Variants in SUCO observed in about 807,000 individuals in gnomAD.
The protein encoded by SUCO is SUN domain-containing ossification factor.
SUCO carries 57 observed loss-of-function variants against 148.1 expected under a neutral mutation model. The observed-to-expected ratio is 0.38, with a 90% CI of 0.31 to 0.48. The LOEUF (loss-of-function observed/expected upper bound fraction) is 0.48, where lower values mean the gene tolerates loss of function less well. Ranked by LOEUF, SUCO falls within the 20% of genes least tolerant of loss-of-function variation. The pLI, the probability that SUCO is intolerant of heterozygous loss-of-function variation, is 0.96. For synonymous variants in SUCO, 470 were observed against 502.7 expected (o/e 0.93, Z 0.87); for missense variants, 1,331 against 1,468.2 (o/e 0.91, Z 1.53).
At chr1:172,555,579 GAA>G (rs1418264923) in intron 3 of SUCO, among the ~76,000 whole-genome samples, 1 of 152,140 alleles carries the variant, frequency 6.6e-6, no homozygotes, top group African/African-American at 2.4e-5. Flanking sequence ...ATCAATTAGA[GAA>G]GAGGGAAATC....
intron 9 of SUCO, 164 bp downstream of exon 9, chr1:172,570,894 TGAG>T (rs1386516981): frequency 8.0e-5 from 41 of 509,414 alleles, no homozygotes; most frequent in Non-Finnish European, 8.7e-5. Flanking sequence ...CCTTTCCTTT[TGAG>T]GAGGTCACAA....
intron 15 of SUCO, among the ~76,000 whole-genome samples, chr1:172,582,662 A>G (rs910201125): frequency 6.6e-6 from 1 of 152,138 alleles, no homozygotes; most frequent in Non-Finnish European, 1.5e-5. Flanking sequence ...ACAAACTATC[A>G]TGTGTTTAGA....
intron 6 of SUCO, among the ~76,000 whole-genome samples, chr1:172,566,715 G>A (rs566716652): frequency 2.4e-4 from 37 of 152,314 alleles, no homozygotes; most frequent in African/African-American, 8.9e-4. Context: ...TAGGAAAATG[G>A]TGGTAACTTC....
chr1:172,534,933 G>A (rs1383429875), intron 1 of SUCO, among the ~76,000 whole-genome samples: 1 of 152,204 alleles, frequency 6.6e-6, no homozygotes, highest in African/African-American at 2.4e-5. Flanking sequence ...TTTCATTCAA[G>A]TTTAAAAACA....
Position 172,611,338 on chromosome 1 carries a change from A to T in SUCO, c.*1079A>T, listed in dbSNP as rs1658200498. 2 of 152,630 alleles carry T rather than the reference A, an allele frequency of 1.3e-5. No individual in the cohort carries two copies. The highest frequency in any genetic ancestry group is 1.3e-4 in the Admixed American group (2 of 15,276). The allele number at this position is 152,630 out of a possible 1,614,324, so 9.5% of individuals were successfully genotyped here. ...TCTCTGTCTTTTTTTTTGTCTTTAA[A>T]AAATAATTGGCAGCAACTGTATTTG... On this transcript the variant is annotated 3_prime_UTR_variant, in exon 24 of 24. Transcript: ENST00000263688.
chr1:172,609,486 C>T (rs1658071918), intron 23 of SUCO: 6 of 908,292 alleles, frequency 6.6e-6, no homozygotes, highest in Non-Finnish European at 7.9e-6. Flanking sequence ...ACCGACCTTT[C>T]AGGGTTAATA....
chr1:172,590,383 C>T, intron 18 of SUCO: 2 of 984,680 alleles, frequency 2.0e-6, no homozygotes, highest in Non-Finnish European at 2.4e-6. Flanking sequence ...AGTTTGCTCT[C>T]TTTTAAACAG....
chr1:172,567,374 A>C (rs543070058), intron 6 of SUCO, among the ~76,000 whole-genome samples: 4 of 152,350 alleles, frequency 2.6e-5, no homozygotes, highest in African/African-American at 7.2e-5. Context: ...AGAGGAAAAA[A>C]AGTCACAAGA....
At chr1:172,541,967 A>G (rs1652494903) in intron 1 of SUCO, 1 of 423,924 alleles carries the variant, frequency 2.4e-6, no homozygotes, top group Non-Finnish European at 3.2e-6. Flanking sequence ...GTCAAAAAGA[A>G]GTGGAAGAGT....
chr1:172,599,503 A>C (rs1251543634), intron 19 of SUCO: 1 of 553,990 alleles, frequency 1.8e-6, no homozygotes, highest in Non-Finnish European at 2.3e-6. Flanking sequence ...ATGGAAAGAT[A>C]GGCATTTTTG....
chr1:172,565,539 A>G (rs544293105), intron 6 of SUCO, among the ~76,000 whole-genome samples: 3 of 152,248 alleles, frequency 2.0e-5, no homozygotes, highest in East Asian at 3.9e-4. Flanking sequence ...GAGTGCCTGC[A>G]TTTCAGCCAA....
rs1390908971 is a variant in SUCO at position 172,602,618 on chromosome 1, CTG to C, written c.3174-74_3174-73del. The C allele has an allele frequency of 1.3e-5, 20 of 1,565,600 alleles. No individual in the cohort carries two copies. The Admixed American group carries it at 3.5e-4, about 28-fold the overall frequency. On this transcript the variant is annotated intron_variant, in intron 21 of 23. Coordinates refer to ENST00000263688, the MANE Select transcript of SUCO (RefSeq NM_014283.5). ...TGGTATGTACAGTTCTCAATAACCT[CTG>C]TGTAGCCTCAACAAAAGAGTAAATT...
Position 172,589,079 on chromosome 1 carries a change from G to T in SUCO, c.1978G>T (p.Val660Leu). ...TTTGAGTAAAGGAAAAGATTATCTT[G>T]TGTTAGCTCAACCACCCTTACTACT... ...TALSKGKDYL[V>L]LAQPPLLLPA... Residue 660 changes from valine to leucine, a missense_variant, in exon 18 of 24, where the codon GTG becomes TTG. Val to Leu is a conservative substitution (Grantham distance 32). This residue lies in a region of SUCO where 992 missense variants were observed against 1,093.5 expected (regional missense o/e 0.91). Transcript: ENST00000263688. 1 of 1,613,768 alleles carries T rather than the reference G, an allele frequency of 6.2e-7. No individual in the cohort carries two copies. The highest frequency in any genetic ancestry group is 8.5e-7 in the Non-Finnish European group (1 of 1,179,830).
intron 1 of SUCO, among the ~76,000 whole-genome samples, chr1:172,549,717 G>A (rs1653132235): frequency 6.6e-6 from 1 of 151,682 alleles, no homozygotes. Flanking sequence ...GTTCTTTTTA[G>A]TAAGAATGAA....
At chr1:172,608,718 C>T (rs1326886404) in intron 22 of SUCO, 29 bp from the exon 23 acceptor site, 1 of 1,392,622 alleles carries the variant, frequency 7.2e-7, no homozygotes, top group Admixed American at 2.0e-5. Context: ...TTACATTTTA[C>T]ATCTGCTTTT....
At position 172,570,030 on chromosome 1, in the gene SUCO, TAAC is replaced by T. The variant is rs1654835433; in HGVS notation, c.857-16_857-14del. 7.2e-7 allele frequency: 1 copy of T among 1,391,964 alleles called. No individual in the cohort carries two copies. The allele number at this position is 1,391,964 out of a possible 1,614,324, so 86.2% of individuals were successfully genotyped here. A position where few individuals can be genotyped will look rare whatever the true frequency, so the allele number is the denominator to read the frequency against. ...CAAATATATATATAAATATTTATAA[TAAC>T]GGTTTGTCTGCAGGTCAGTCGATGC... is the stretch of plus-strand genomic sequence containing the variant. On this transcript the variant is annotated splice_polypyrimidine_tract_variant and intron_variant, in intron 7 of 23. Transcript: ENST00000263688.
intron 19 of SUCO, among the ~76,000 whole-genome samples, chr1:172,591,603 A>G (rs545554944): frequency 3.8e-4 from 58 of 152,202 alleles, no homozygotes; most frequent in African/African-American, 1.3e-3. Flanking sequence ...TGCAAAGGAC[A>G]TGAACTCATC....
chr1:172,577,466 T>C (rs1655531561), intron 11 of SUCO, 73 bp from the exon 12 acceptor site: 28 of 1,409,922 alleles, frequency 2.0e-5, no homozygotes, highest in Non-Finnish European at 2.5e-5. Flanking sequence ...TTTACAAATA[T>C]TTAAAGATGC....
chr1:172,556,963 A>G, intron 4 of SUCO: 1 of 982,334 alleles, frequency 1.0e-6, no homozygotes, highest in Non-Finnish European at 1.2e-6. Flanking sequence ...CTTTTGAAGG[A>G]TGCCATAAGT....
Sources: gnomAD v4.1 joint callset for allele counts (sites outside exome capture counted in the v4.1 genomes callset) on GRCh38, gnomAD v4.1.1 for gene constraint, gnomAD v4.1.1 regional missense constraint, MANE v1.5 for transcripts, NCBI Gene and HGNC (gene_info 2026-07-23, HGNC 2026-07-21) for gene names.